The following FOXP2 variants were observed in gnomAD, a reference collection of about 807,000 sequenced individuals.
FOXP2 encodes forkhead box P2.
A neutral mutation model predicts 115.8 loss-of-function variants in FOXP2; 12 were observed. That is an observed-to-expected ratio of 0.10 (90% confidence interval 0.07 to 0.17). The LOEUF is 0.17. Among genes scored for constraint, FOXP2 ranks in the 10% least tolerant of loss-of-function variants. FOXP2 has a pLI of 1.00. For missense variants in FOXP2, 629 were observed against 843.5 expected (o/e 0.75, Z 3.15); for synonymous variants, 328 against 297.7 (o/e 1.10, Z -1.05).
At chr7:114,574,755 A>T (rs1382157661) in intron 3 of FOXP2, among the ~76,000 whole-genome samples, 1 of 151,892 alleles carries the variant, frequency 6.6e-6, no homozygotes, top group African/African-American at 2.4e-5. Context: ...GAAGGCAATT[A>T]TGTGGAATGC....
At chr7:114,512,689 T>C (rs1309908844) in intron 2 of FOXP2, among the ~76,000 whole-genome samples, 1 of 152,212 alleles carries the variant, frequency 6.6e-6, no homozygotes, top group Admixed American at 6.5e-5. Flanking sequence ...TCTCAATTTT[T>C]TAAGCCATAA....
At chr7:114,477,928 A>C (rs1796359078) in intron 2 of FOXP2, among the ~76,000 whole-genome samples, 1 of 151,838 alleles carries the variant, frequency 6.6e-6, no homozygotes, top group African/African-American at 2.4e-5. Flanking sequence ...CCTACCAGTT[A>C]CTTTCTTAAA....
At chr7:114,637,854 C>G (rs1003702744) in intron 6 of FOXP2, among the ~76,000 whole-genome samples, 7 of 152,062 alleles carry the variant, frequency 4.6e-5, no homozygotes, top group Non-Finnish European at 8.8e-5. Context: ...AAGGCCTTTT[C>G]TTTGCCTTAG....
At chr7:114,682,217 A>G (rs1808121711) in intron 16 of FOXP2, among the ~76,000 whole-genome samples, 1 of 152,154 alleles carries the variant, frequency 6.6e-6, no homozygotes, top group Admixed American at 6.6e-5. Flanking sequence ...AAACCCAAGT[A>G]TTTTATCCTC....
intron 2 of FOXP2, among the ~76,000 whole-genome samples, chr7:114,368,409 A>T (rs939257867): frequency 6.6e-6 from 1 of 152,192 alleles, no homozygotes; most frequent in Non-Finnish European, 1.5e-5. Context: ...TTGAAACTAT[A>T]GATCATTTTA....
At chr7:114,207,676 C>T (rs1794234494) in intron 1 of FOXP2, among the ~76,000 whole-genome samples, 1 of 152,030 alleles carries the variant, frequency 6.6e-6, no homozygotes, top group African/African-American at 2.4e-5. Flanking sequence ...ATTTTATTTC[C>T]TAGCCTCAAA....
chr7:114,306,578 C>A (rs1010758154), intron 2 of FOXP2, among the ~76,000 whole-genome samples: 1 of 152,114 alleles, frequency 6.6e-6, no homozygotes, highest in Admixed American at 6.6e-5. Context: ...TGGAGAATGT[C>A]TTTTTCAAGT....
chr7:114,576,651 T>C (rs1801592922), intron 3 of FOXP2, among the ~76,000 whole-genome samples: 1 of 151,934 alleles, frequency 6.6e-6, no homozygotes, highest in African/African-American at 2.4e-5. Flanking sequence ...GGCAATAATA[T>C]TCATTTATGG....
chr7:114,244,809 G>T (rs970857289), intron 1 of FOXP2, among the ~76,000 whole-genome samples: 17 of 151,450 alleles, frequency 1.1e-4, no homozygotes, highest in African/African-American at 2.4e-4. Flanking sequence ...TGGCCCAGGC[G>T]GGAGTGCAGT....
chr7:114,657,237 T>C (rs887173574), intron 10 of FOXP2, among the ~76,000 whole-genome samples: 1 of 152,144 alleles, frequency 6.6e-6, no homozygotes, highest in Non-Finnish European at 1.5e-5. Flanking sequence ...AGGGGAGTAA[T>C]GAAGGGCACA....
intron 2 of FOXP2, among the ~76,000 whole-genome samples, chr7:114,505,985 C>T (rs1451436915): frequency 6.6e-6 from 1 of 151,416 alleles, no homozygotes; most frequent in East Asian, 1.9e-4. Context: ...CTTTGAAACA[C>T]CTTAAAATGA....
intron 1 of FOXP2, among the ~76,000 whole-genome samples, chr7:114,211,671 T>G (rs1794354023): frequency 1.3e-5 from 2 of 152,344 alleles, no homozygotes; most frequent in African/African-American, 4.8e-5. Context: ...GAAAAATTAA[T>G]CAAAAGTGGC....
chr7:114,414,896 ACACACACT>A lies in FOXP2; in HGVS notation c.-459_-452del, dbSNP rs1044173068. On this transcript the variant is annotated 5_prime_UTR_variant, in exon 1 of 17. An upstream open reading frame in the 5' UTR loses its in-frame stop. Coordinates refer to ENST00000350908, the MANE Select transcript of FOXP2 (RefSeq NM_014491.4). ...CTCTCTCTGTCTTTCTCTCTCTCAC[ACACACACT>A]CACACACTCACACACATGCACACAC... 17 of 356,374 alleles carry A rather than the reference ACACACACT, an allele frequency of 4.8e-5. No homozygotes were observed. Among genetic ancestry groups the A allele is most frequent in the Middle Eastern group, 1.0e-3 (1 of 980 alleles). The allele number at this position is 356,374 out of a possible 1,614,324, so 22.1% of individuals were successfully genotyped here. A position where few individuals can be genotyped will look rare whatever the true frequency, so the allele number is the denominator to read the frequency against.
intron 2 of FOXP2, among the ~76,000 whole-genome samples, chr7:114,464,243 G>T (rs564750284): frequency 1.3e-5 from 2 of 152,126 alleles, no homozygotes; most frequent in Non-Finnish European, 2.9e-5. Context: ...AGGAGAGAGG[G>T]AGGAGAGAGA....
At chr7:114,455,908 T>C (rs1795294379) in intron 2 of FOXP2, among the ~76,000 whole-genome samples, 1 of 152,190 alleles carries the variant, frequency 6.6e-6, no homozygotes, top group African/African-American at 2.4e-5. Context: ...AATTGTGTGT[T>C]TTATTGATAC....
At chr7:114,461,134 A>G (rs1795541234) in intron 2 of FOXP2, among the ~76,000 whole-genome samples, 1 of 152,208 alleles carries the variant, frequency 6.6e-6, no homozygotes, top group South Asian at 2.1e-4. Context: ...ATGCTGAAGT[A>G]TAATCATACC....
At chr7:114,510,504 A>G (rs1025678423) in intron 2 of FOXP2, among the ~76,000 whole-genome samples, 3 of 152,146 alleles carry the variant, frequency 2.0e-5, no homozygotes, top group African/African-American at 7.2e-5. Context: ...GAAAGGGCCC[A>G]TTTTGCTTAT....
At chr7:114,644,871 T>G in intron 8 of FOXP2, 82 bp downstream of exon 8, 1 of 1,094,768 alleles carries the variant, frequency 9.1e-7, no homozygotes, top group Non-Finnish European at 1.4e-6. Context: ...AAACAAAAGA[T>G]GAAGGAGGAA....
At chr7:114,435,143 C>T (rs1794282326) in intron 2 of FOXP2, among the ~76,000 whole-genome samples, 1 of 152,110 alleles carries the variant, frequency 6.6e-6, no homozygotes, top group Admixed American at 6.6e-5. Flanking sequence ...AATCACTTTT[C>T]ACTATGATTG....
Sources: allele counts gnomAD v4.1 joint callset (sites outside exome capture counted in the v4.1 genomes callset), GRCh38; gene constraint gnomAD v4.1.1; transcripts MANE v1.5; gene names NCBI Gene and HGNC (gene_info 2026-07-23, HGNC 2026-07-21).